PROM1: variants seen among roughly 807,000 people sequenced by gnomAD.
The protein encoded by PROM1 is prominin-1.
Under a neutral mutation model 116.9 loss-of-function variants are expected in PROM1, and 105 were observed. The observed-to-expected ratio is 0.90, with a 90% CI of 0.77 to 1.06. PROM1 has a LOEUF of 1.06. PROM1 is among the 50% of genes least tolerant of loss of function. The probability of loss-of-function intolerance (pLI) is 0.00; values close to 1 mark genes in which losing one functional copy is unlikely to be tolerated. For synonymous variants in PROM1, 393 were observed against 387.0 expected, an observed-to-expected ratio of 1.02 and a Z score of -0.18; for missense variants, 1,122 against 1,045.2, an observed-to-expected ratio of 1.07 and a Z score of -1.01.
intron 2 of PROM1, among the ~76,000 whole-genome samples, chr4:16,065,755 C>T (rs1401062275): frequency 6.6e-6 from 1 of 152,188 alleles, no homozygotes; most frequent in African/African-American, 2.4e-5. Flanking sequence ...CACAAAGTTA[C>T]TTGAAAAACT....
At chr4:16,037,646 T>C (rs1734242905) in intron 3 of PROM1, among the ~76,000 whole-genome samples, 1 of 152,176 alleles carries the variant, frequency 6.6e-6, no homozygotes, top group Non-Finnish European at 1.5e-5. Context: ...GGTAGCCCGA[T>C]AACCGCCTTC....
chr4:15,986,124 T>A, intron 20 of PROM1, 87 bp from the exon 21 acceptor site: 1 of 972,792 alleles, frequency 1.0e-6, no homozygotes, highest in Non-Finnish European at 1.6e-6. Flanking sequence ...GTACTGTAAC[T>A]CAGCTCTGCA....
At chr4:16,010,386 C>T (rs1021097459) in intron 11 of PROM1, among the ~76,000 whole-genome samples, 18 of 152,332 alleles carry the variant, frequency 1.2e-4, no homozygotes, top group African/African-American at 4.3e-4. Flanking sequence ...CTCTTTGCAG[C>T]AGCAGAGAGA....
intron 11 of PROM1, among the ~76,000 whole-genome samples, chr4:16,012,238 C>A (rs955205398): frequency 6.6e-6 from 1 of 152,136 alleles, no homozygotes; most frequent in African/African-American, 2.4e-5. Flanking sequence ...CTCAGGTGAC[C>A]TACCCGCCTT....
At chr4:16,023,203 A>G (rs1217804249) in intron 8 of PROM1, 123 bp downstream of exon 8, 1 of 796,166 alleles carries the variant, frequency 1.3e-6, no homozygotes, top group Middle Eastern at 2.3e-4. Flanking sequence ...AACTGTCTGC[A>G]TGGCCACGGA....
chr4:16,001,403 C>T lies in PROM1; in HGVS notation c.1455-784G>A, dbSNP rs565991531. Among the ~76,000 whole-genome samples the T allele has an allele frequency of 2.6e-5, 4 of 152,234 alleles. No homozygotes were observed. The East Asian group carries it at 7.7e-4, about 29-fold the overall frequency. ...CGGATGTACCTTAGGGAGCCAGCAG[C>T]TTAGCCATGGTCATTTATCCCCAGG... On this transcript the variant is annotated intron_variant, in intron 13 of 27. Coordinates refer to ENST00000447510, the MANE Select transcript of PROM1 (RefSeq NM_006017.3).
chr4:15,992,258 T>C lies in PROM1; in HGVS notation c.1901A>G (p.Tyr634Cys), dbSNP rs753515260. 48 of 1,613,736 alleles carry C rather than the reference T, an allele frequency of 3.0e-5. No individual in the cohort carries two copies. The highest frequency in any genetic ancestry group is 3.8e-5 in the Non-Finnish European group (45 of 1,179,830). ...CGIDRMNYDS[Y>C]LAQTGKSPAG... ...ACACATGCGCCATACCTGAGCCAAG[T>C]AGCTGTCATAATTCATTCTGTCTAT... is the stretch of plus-strand genomic sequence containing the variant. The change falls in exon 17 of 28, where the codon TAC becomes TGC. Residue 634 changes from tyrosine to cysteine, a missense_variant. Coordinates refer to ENST00000447510, the MANE Select transcript of PROM1 (RefSeq NM_006017.3).
chr4:15,992,420 C>G, intron 16 of PROM1, 29 bp from the exon 17 acceptor site: 1 of 1,603,270 alleles, frequency 6.2e-7, no homozygotes, highest in Non-Finnish European at 8.5e-7. Context: ...ACAAATCAGT[C>G]CCTTATTCTC....
intron 2 of PROM1, among the ~76,000 whole-genome samples, chr4:16,043,779 C>T (rs376466889): frequency 9.8e-4 from 149 of 152,310 alleles, no homozygotes; most frequent in African/African-American, 3.3e-3. Context: ...TGTGGTTCTG[C>T]GCCTCTCCAT....
At chr4:16,031,548 T>C (rs1732693759) in intron 5 of PROM1, among the ~76,000 whole-genome samples, 1 of 150,726 alleles carries the variant, frequency 6.6e-6, no homozygotes, top group South Asian at 2.1e-4. Context: ...CCTCTCAAAA[T>C]CAAATGTGAA....
intron 26 of PROM1, among the ~76,000 whole-genome samples, chr4:15,973,421 T>G (rs925521588): frequency 6.6e-6 from 1 of 152,176 alleles, no homozygotes; most frequent in African/African-American, 2.4e-5. Flanking sequence ...CATTCCAGCC[T>G]GTGTGACAGA....
chr4:15,997,008 T>C (rs1317327986), intron 15 of PROM1, among the ~76,000 whole-genome samples: 1 of 151,968 alleles, frequency 6.6e-6, no homozygotes, highest in Non-Finnish European at 1.5e-5. Context: ...GAGAAATAAG[T>C]GTCACCAGTG....
At chr4:16,003,277 C>A (rs1164347167) in intron 13 of PROM1, 1 of 456,556 alleles carries the variant, frequency 2.2e-6, no homozygotes, top group African/African-American at 2.0e-5. Flanking sequence ...CAGTGCTTCA[C>A]TATCATAACT....
intron 2 of PROM1, among the ~76,000 whole-genome samples, chr4:16,074,173 T>C (rs1281066065): frequency 6.6e-6 from 1 of 152,180 alleles, no homozygotes; most frequent in African/African-American, 2.4e-5. Context: ...ATGACTATAG[T>C]CAATAATAAT....
At chr4:15,995,051 T>C (rs1219963839) in intron 15 of PROM1, among the ~76,000 whole-genome samples, 1 of 152,150 alleles carries the variant, frequency 6.6e-6, no homozygotes, top group Non-Finnish European at 1.5e-5. Context: ...GAAAAGCCAA[T>C]GGATTGCTAA....
chr4:16,000,419 T>C, intron 14 of PROM1, 77 bp downstream of exon 14: 1 of 1,313,288 alleles, frequency 7.6e-7, no homozygotes, highest in Non-Finnish European at 1.0e-6. Flanking sequence ...GCACTGCTCT[T>C]AAAGTAATGC....
At position 16,063,378 on chromosome 4, in the gene PROM1, T is replaced by C. The variant is rs183974288; in HGVS notation, c.220+12309A>G. Among the ~76,000 whole-genome samples, 925 of 152,210 alleles carry C rather than the reference T, an allele frequency of 6.1e-3. 6 individuals are homozygous for C. The highest frequency in any genetic ancestry group is 9.0e-3 in the Non-Finnish European group (610 of 67,998). Reference sequence around the variant, plus strand: ...CTGGGAGGCCGAGGCAGGGGATCACTTGAGGTCAGGAGTTCGAGACCAGCC... The same window carrying C: ...CTGGGAGGCCGAGGCAGGGGATCACCTGAGGTCAGGAGTTCGAGACCAGCC... On this transcript the variant is annotated intron_variant, in intron 2 of 27. Coordinates refer to ENST00000447510, the MANE Select transcript of PROM1 (RefSeq NM_006017.3).
chr4:15,999,299 G>A (rs573948572), intron 14 of PROM1, among the ~76,000 whole-genome samples: 24 of 151,876 alleles, frequency 1.6e-4, no homozygotes, highest in South Asian at 2.1e-4. Flanking sequence ...GTGAAACCCC[G>A]TCTCTACTAA....
At chr4:16,015,974 C>G (rs1048109048) in intron 10 of PROM1, among the ~76,000 whole-genome samples, 192 bp downstream of exon 10, 2 of 152,142 alleles carry the variant, frequency 1.3e-5, no homozygotes, top group Non-Finnish European at 2.9e-5. Flanking sequence ...CTTCACACAT[C>G]ATAGATGCTT....
Sources: gnomAD v4.1 joint callset for allele counts (sites outside exome capture counted in the v4.1 genomes callset) on GRCh38, gnomAD v4.1.1 for gene constraint, MANE v1.5 for transcripts, NCBI Gene and HGNC (gene_info 2026-07-23, HGNC 2026-07-21) for gene names.